Variants in B3GALT1 observed in about 807,000 individuals in gnomAD.
The protein encoded by B3GALT1 is beta-1,3-galactosyltransferase 1.
B3GALT1 carries 10 observed loss-of-function variants against 23.2 expected under a neutral mutation model. The observed-to-expected ratio is 0.43, with a 90% CI of 0.27 to 0.73. The LOEUF (loss-of-function observed/expected upper bound fraction) is 0.73, where lower values mean the gene tolerates loss of function less well. Ranked by LOEUF, B3GALT1 falls within the 30% of genes least tolerant of loss-of-function variation. B3GALT1 has a pLI of 0.21. For missense variants in B3GALT1, 299 were observed against 405.4 expected, an observed-to-expected ratio of 0.74 and a Z score of 2.25; for synonymous variants, 156 against 141.5, an observed-to-expected ratio of 1.10 and a Z score of -0.73.
intron 3 of B3GALT1, among the ~76,000 whole-genome samples, chr2:167,790,092 CT>C (rs1574263660): frequency 6.6e-6 from 1 of 152,164 alleles, no homozygotes; most frequent in African/African-American, 2.4e-5. Context: ...AGACTATCCC[CT>C]AGTCCGATAA....
chr2:167,666,279 C>T (rs1686186106), intron 3 of B3GALT1, among the ~76,000 whole-genome samples: 1 of 152,106 alleles, frequency 6.6e-6, no homozygotes, highest in South Asian at 2.1e-4. Context: ...ATTCTTAATC[C>T]TGAGTTCTAG....
chr2:167,457,115 TG>T (rs1699184151), intron 1 of B3GALT1, among the ~76,000 whole-genome samples: 1 of 152,104 alleles, frequency 6.6e-6, no homozygotes, highest in African/African-American at 2.4e-5. Flanking sequence ...GAGCAGGAAC[TG>T]GGGACAAAGG....
At chr2:167,626,241 G>A (rs896291059) in intron 2 of B3GALT1, among the ~76,000 whole-genome samples, 8 of 151,440 alleles carry the variant, frequency 5.3e-5, no homozygotes, top group South Asian at 2.1e-4. Flanking sequence ...TAAATAATAC[G>A]TTTATAAATA....
intron 3 of B3GALT1, among the ~76,000 whole-genome samples, chr2:167,659,412 C>G (rs1054813230): frequency 6.6e-6 from 1 of 151,922 alleles, no homozygotes; most frequent in African/African-American, 2.4e-5. Context: ...ATGAAAACTT[C>G]AATACTGAAA....
At chr2:167,297,111 T>C (rs574593024) in intron 1 of B3GALT1, among the ~76,000 whole-genome samples, 138 of 152,258 alleles carry the variant, frequency 9.1e-4, no homozygotes, top group African/African-American at 3.2e-3. Context: ...AGCAATAACA[T>C]GATATGATAT....
chr2:167,731,622 A>T (rs937930312), intron 3 of B3GALT1, among the ~76,000 whole-genome samples: 10 of 152,166 alleles, frequency 6.6e-5, no homozygotes, highest in African/African-American at 1.4e-4. Context: ...GCTGGAATTC[A>T]TTTGATTATT....
rs1690289326 is a variant in B3GALT1 at position 167,869,031 on chromosome 2, C to G, written c.-9C>G. ...CTTCAATATTTGGAATAGACGTGTT[C>G]TCAAGACAATGGCTTCAAAGGTCTC... is the stretch of plus-strand genomic sequence containing the variant. On this transcript the variant is annotated 5_prime_UTR_variant, in exon 5 of 5. Coordinates refer to ENST00000392690, the MANE Select transcript of B3GALT1 (RefSeq NM_020981.4). This position sits in a 1 kb window ranked among gnomAD's most constrained non-coding sequence, Gnocchi z 6.4. 1 of 1,591,374 alleles carries G rather than the reference C, an allele frequency of 6.3e-7. No individual in the cohort carries two copies. Among genetic ancestry groups the G allele is most frequent in the African/African-American group, 1.4e-5 (1 of 73,854 alleles).
chr2:167,849,800 G>A (rs1030019720), intron 4 of B3GALT1, among the ~76,000 whole-genome samples: 10 of 150,678 alleles, frequency 6.6e-5, no homozygotes, highest in African/African-American at 2.4e-4. Flanking sequence ...TGAGGCAGGA[G>A]AATGGCGTGA....
At chr2:167,761,325 G>A (rs774043576) in intron 3 of B3GALT1, among the ~76,000 whole-genome samples, 15 of 152,046 alleles carry the variant, frequency 9.9e-5, no homozygotes, top group Admixed American at 5.2e-4. Flanking sequence ...ATCCTCCCTC[G>A]TTGGAGAAAT....
intron 1 of B3GALT1, among the ~76,000 whole-genome samples, chr2:167,408,138 G>A (rs896394578): frequency 3.3e-5 from 5 of 150,800 alleles, no homozygotes; most frequent in African/African-American, 9.8e-5. Context: ...CAAAATGCTA[G>A]CAAACTAAAC....
chr2:167,818,084 T>G (rs1393620210), intron 3 of B3GALT1, among the ~76,000 whole-genome samples: 2 of 152,236 alleles, frequency 1.3e-5, no homozygotes, highest in Non-Finnish European at 2.9e-5. Context: ...GCAGAAGACC[T>G]TAGGTAAAAG....
chr2:167,427,721 A>T (rs757025444), intron 1 of B3GALT1, among the ~76,000 whole-genome samples: 1 of 152,074 alleles, frequency 6.6e-6, no homozygotes. Context: ...TTTTGTAGAG[A>T]TGGAGTTTTG....
intron 1 of B3GALT1, among the ~76,000 whole-genome samples, chr2:167,445,819 T>G (rs1574082084): frequency 6.6e-6 from 1 of 152,328 alleles, no homozygotes; most frequent in East Asian, 1.9e-4. Context: ...CTTTATCCAA[T>G]TTGCCAGTGT....
intron 2 of B3GALT1, among the ~76,000 whole-genome samples, chr2:167,638,866 T>C (rs756062105): frequency 1.4e-4 from 22 of 152,084 alleles, no homozygotes; most frequent in Non-Finnish European, 2.4e-4. Context: ...TCTGGGATTC[T>C]AGTTGCAACC....
chr2:167,463,298 A>G (rs1699294538), intron 1 of B3GALT1, among the ~76,000 whole-genome samples: 1 of 152,074 alleles, frequency 6.6e-6, no homozygotes, highest in African/African-American at 2.4e-5. Flanking sequence ...ACATAGTATC[A>G]TGTTGTGCCT....
intron 3 of B3GALT1, among the ~76,000 whole-genome samples, chr2:167,665,262 C>T (rs1686154356): frequency 4.3e-5 from 6 of 139,896 alleles, no homozygotes; most frequent in African/African-American, 1.4e-4. Flanking sequence ...TGCTGGATTA[C>T]ATTTATTGAT....
chr2:167,834,813 C>A (rs191465763), intron 4 of B3GALT1, among the ~76,000 whole-genome samples: 1 of 151,892 alleles, frequency 6.6e-6, no homozygotes, highest in Admixed American at 6.5e-5. Context: ...TGCAACACTG[C>A]ACTCTAGGCT....
At chr2:167,484,150 A>G (rs896751761) in intron 1 of B3GALT1, among the ~76,000 whole-genome samples, 2 of 152,226 alleles carry the variant, frequency 1.3e-5, no homozygotes, top group Non-Finnish European at 2.9e-5. Context: ...TTTATATGTG[A>G]AAATTTTCGC....
chr2:167,688,093 C>G (rs1182566697), intron 3 of B3GALT1, among the ~76,000 whole-genome samples: 2 of 151,994 alleles, frequency 1.3e-5, no homozygotes, highest in Non-Finnish European at 2.9e-5. Context: ...ACATATTTGT[C>G]TACAGTTTGA....
Sources: gnomAD v4.1 joint callset for allele counts (sites outside exome capture counted in the v4.1 genomes callset) on GRCh38, gnomAD v4.1.1 for gene constraint, Gnocchi (gnomAD v3.1) non-coding constraint, MANE v1.5 for transcripts, NCBI Gene and HGNC (gene_info 2026-07-23, HGNC 2026-07-21) for gene names.